Variants in ENO1 observed in about 807,000 individuals in gnomAD.
The protein encoded by ENO1 is alpha-enolase.
ENO1 carries 33 observed loss-of-function variants against 46.3 expected under a neutral mutation model. The ratio of observed to expected loss-of-function variants is 0.71; its 90% CI spans 0.54 to 0.95. The LOEUF (loss-of-function observed/expected upper bound fraction) is 0.95. Among genes scored for constraint, ENO1 ranks in the 40% least tolerant of loss-of-function variants. ENO1 has a pLI of 0.00. For missense variants in ENO1, 488 were observed against 553.3 expected, an observed-to-expected ratio of 0.88 and a Z score of 1.18; for synonymous variants, 220 against 216.0, an observed-to-expected ratio of 1.02 and a Z score of -0.16.
rs1352608719 is a variant in ENO1 at position 8,872,750 on chromosome 1, A to G, written c.86-764T>C. On this transcript the variant is annotated intron_variant, in intron 2 of 11. Transcript: ENST00000234590. The stretch of plus-strand genomic sequence containing the variant: ...CTGGCTCAGGAGGAGTATCTAGCTC[A>G]TTTGTTTCAGTTTGGACAATGCTAA... 3.9e-5 allele frequency among the ~76,000 whole-genome samples: 6 copies of G among 152,122 alleles called. No individual in the cohort carries two copies. In the South Asian group the frequency reaches 8.3e-4, roughly 21 times the overall value.
intron 11 of ENO1, among the ~76,000 whole-genome samples, chr1:8,862,559 A>C (rs979121262): frequency 1.3e-5 from 2 of 152,210 alleles, no homozygotes; most frequent in Non-Finnish European, 2.9e-5. Flanking sequence ...AATGCGCTGA[A>C]ACAGATCATA....
intron 1 of ENO1, among the ~76,000 whole-genome samples, chr1:8,875,463 G>T (rs1003141830): frequency 6.6e-6 from 1 of 152,222 alleles, no homozygotes; most frequent in Non-Finnish European, 1.5e-5. Context: ...GCTGGCATGG[G>T]AATGGAAAGG....
chr1:8,861,273 G>T lies in ENO1; in HGVS notation c.*87C>A. 1.4e-6 allele frequency: 2 copies of T among 1,400,750 alleles called. No individual in the cohort carries two copies. Among genetic ancestry groups the T allele is most frequent in the South Asian group, 1.2e-5 (1 of 85,832 alleles). The allele number at this position is 1,400,750 out of a possible 1,614,324, so 86.8% of individuals were successfully genotyped here. ...ACTAGCAGGGACCCCTGCAAGTGTT[G>T]GTCGGGGGCCTCGAGCTGCCTGAGC... On this transcript the variant is annotated 3_prime_UTR_variant, in exon 12 of 12. Transcript: ENST00000234590.
In ENO1 at chr1:8,866,262, T is replaced by A. The variant is rs1288139736; in HGVS notation, c.667+17A>T. 1.2e-5 allele frequency: 19 copies of A among 1,611,842 alleles called. No homozygotes were observed. Among genetic ancestry groups the A allele is most frequent in the Non-Finnish European group, 1.6e-5 (19 of 1,179,292 alleles). On this transcript the variant is annotated intron_variant, in intron 7 of 11. Transcript: ENST00000234590. ...GCTGCAGGGCTGGGTGGGGGGGCGG[T>A]TCCCTAGCGCCTTTACCTTCTTTAT...
chr1:8,863,869 G>A lies in ENO1; in HGVS notation c.1067+22C>T, dbSNP rs756568186. On this transcript the variant is annotated intron_variant, in intron 9 of 11. Coordinates refer to ENST00000234590, the MANE Select transcript of ENO1 (RefSeq NM_001428.5). ...CACAAGCCGTAGCTGCGGGAAAGCT[G>A]CTCGCCTGGGAAGACACTTACGCCT... is the stretch of plus-strand genomic sequence containing the variant. 7.4e-6 allele frequency: 12 copies of A among 1,613,666 alleles called. No homozygotes were observed. In the East Asian group the frequency reaches 2.4e-4, roughly 33 times the overall value.
At chr1:8,865,153 C>G in intron 8 of ENO1, 132 bp downstream of exon 8, 1 of 1,111,288 alleles carries the variant, frequency 9.0e-7, no homozygotes, top group East Asian at 2.5e-5. Context: ...GGTGAATCCC[C>G]TACGGGAGCT....
At position 8,871,915 on chromosome 1, in the gene ENO1, C is replaced by A; in HGVS notation, c.157G>T (p.Asp53Tyr). 2 of 1,614,150 alleles carry A rather than the reference C, an allele frequency of 1.2e-6. No individual in the cohort carries two copies. The highest frequency in any genetic ancestry group is 1.7e-6 in the Non-Finnish European group (2 of 1,180,020). Reference sequence around the variant, plus strand: ...CCCTTCCCCATATAGCGAGTCTTATCATTGTCCCGGAGCTCTAGGGCCTCA... The same window carrying A: ...CCCTTCCCCATATAGCGAGTCTTATAATTGTCCCGGAGCTCTAGGGCCTCA... The part of the protein sequence containing the change: ...IYEALELRDN[D>Y]KTRYMGKGVS... Residue 53 changes from aspartate (D) to tyrosine (Y), a missense_variant, in exon 3 of 12, where the codon GAT becomes TAT. By Grantham distance (160) the Asp-to-Tyr change is radical. Coordinates refer to ENST00000234590, the MANE Select transcript of ENO1 (RefSeq NM_001428.5).
Position 8,874,894 on chromosome 1 carries a change from C to CT in ENO1, c.14dup (p.Ile6AspfsTer8). On this transcript the variant is annotated frameshift_variant, in exon 2 of 12. Coordinates refer to ENST00000234590, the MANE Select transcript of ENO1 (RefSeq NM_001428.5). LOFTEE classifies it high-confidence loss of function. ...AGTCAAAGATCTCCCTGGCATGGATCTTGAGAATAGACATGGTGAACTTCT... is the reference window on the plus strand; with the variant it reads ...AGTCAAAGATCTCCCTGGCATGGATCTTTGAGAATAGACATGGTGAACTTCT... The CT allele has an allele frequency of 6.2e-7, 1 of 1,613,802 alleles. No individual in the cohort carries two copies. The highest frequency in any genetic ancestry group is 8.5e-7 in the Non-Finnish European group (1 of 1,179,810).
intron 8 of ENO1, among the ~76,000 whole-genome samples, chr1:8,864,470 A>T (rs1299436444): frequency 6.6e-6 from 1 of 151,424 alleles, no homozygotes; most frequent in African/African-American, 2.4e-5. Context: ...CCAGCTACTT[A>T]TTTTATTTTA....
intron 4 of ENO1, 85 bp downstream of exon 4, chr1:8,870,367 G>C (rs1179018179): frequency 1.3e-6 from 2 of 1,541,160 alleles, no homozygotes; most frequent in African/African-American, 2.7e-5. Flanking sequence ...CTCAGAATAA[G>C]CTCTTCCATA....
At chr1:8,869,710 C>A (rs1642591024) in intron 4 of ENO1, among the ~76,000 whole-genome samples, 1 of 152,172 alleles carries the variant, frequency 6.6e-6, no homozygotes, top group South Asian at 2.1e-4. Context: ...CAGGCGTGCA[C>A]CACCATGCCC....
chr1:8,867,551 AATTT>A (rs759021461), intron 5 of ENO1, among the ~76,000 whole-genome samples: 2 of 149,622 alleles, frequency 1.3e-5, no homozygotes, highest in South Asian at 2.1e-4. Flanking sequence ...ATTCAAAAAA[AATTT>A]TTTTTTTTCT....
Position 8,863,341 on chromosome 1 carries a change from C to T in ENO1, c.1070G>A (p.Cys357Tyr), listed in dbSNP as rs200008125. ...IGSVTESLQA[C>Y]KLAQANGWGV... Reference sequence around the variant, plus strand: ...CCAACCATTGGCCTGGGCCAGCTTGCACCTGGAAGCCAAGGAACAACCCAG... The same window carrying T: ...CCAACCATTGGCCTGGGCCAGCTTGTACCTGGAAGCCAAGGAACAACCCAG... The change falls in exon 10 of 12, where the codon TGC becomes TAC. Residue 357 changes from cysteine (C) to tyrosine (Y), a missense_variant and splice_region_variant. By Grantham distance (194) the Cys-to-Tyr change is radical. Transcript: ENST00000234590. The T allele has an allele frequency of 6.2e-6, 10 of 1,611,850 alleles. No homozygotes were observed. Among genetic ancestry groups the T allele is most frequent in the Admixed American group, 5.0e-5 (3 of 59,488 alleles).
intron 2 of ENO1, among the ~76,000 whole-genome samples, chr1:8,874,532 C>CA (rs1245801836): frequency 1.7e-5 from 2 of 119,990 alleles, no homozygotes; most frequent in Non-Finnish European, 3.2e-5. Context: ...AAGCTGAAAT[C>CA]ATGCCACTGC....
chr1:8,866,264 C>G lies in ENO1; in HGVS notation c.667+15G>C. 6.2e-7 allele frequency: 1 copy of G among 1,613,068 alleles called. No homozygotes were observed. Among genetic ancestry groups the G allele is most frequent in the Non-Finnish European group, 8.5e-7 (1 of 1,179,772 alleles). On this transcript the variant is annotated intron_variant, in intron 7 of 11. Coordinates refer to ENST00000234590, the MANE Select transcript of ENO1 (RefSeq NM_001428.5). ...TGCAGGGCTGGGTGGGGGGGCGGTT[C>G]CCTAGCGCCTTTACCTTCTTTATTC...
chr1:8,870,248 G>T, intron 4 of ENO1: 1 of 594,902 alleles, frequency 1.7e-6, no homozygotes, highest in Non-Finnish European at 2.9e-6. Context: ...TTCTTCTGAT[G>T]CAATTCCATC....
intron 7 of ENO1, chr1:8,865,859 G>A: frequency 3.0e-6 from 1 of 334,594 alleles, no homozygotes; most frequent in South Asian, 2.8e-5. Flanking sequence ...GCCCAGTGGA[G>A]GCAGCCCGGG....
chr1:8,868,117 C>T (rs1199385126), intron 4 of ENO1, 60 bp from the exon 5 acceptor site: 11 of 1,230,400 alleles, frequency 8.9e-6, no homozygotes, highest in African/African-American at 1.5e-5. Flanking sequence ...AGCCTTTGCT[C>T]CCCTACCATG....
chr1:8,864,707 G>A (rs1376376464), intron 8 of ENO1, among the ~76,000 whole-genome samples: 3 of 152,224 alleles, frequency 2.0e-5, no homozygotes, highest in Non-Finnish European at 4.4e-5. Flanking sequence ...AGACTCAGAA[G>A]TGAGAAGACC....
Sources: allele counts gnomAD v4.1 joint callset (sites outside exome capture counted in the v4.1 genomes callset), GRCh38; gene constraint gnomAD v4.1.1; transcripts MANE v1.5; gene names NCBI Gene and HGNC (gene_info 2026-07-23, HGNC 2026-07-21).